ALDH1A1: variants seen among roughly 807,000 people sequenced by gnomAD.
ALDH1A1 encodes the protein aldehyde dehydrogenase 1A1.
ALDH1A1 carries 19 observed loss-of-function variants against 62.1 expected under a neutral mutation model. That is an observed-to-expected ratio of 0.31 (90% confidence interval 0.21 to 0.45). The LOEUF (loss-of-function observed/expected upper bound fraction) is 0.45. Ranked by LOEUF, ALDH1A1 falls within the 20% of genes least tolerant of loss-of-function variation. The pLI is 1.00. For synonymous variants in ALDH1A1, 231 were observed against 215.9 expected (o/e 1.07, Z -0.61); for missense variants, 521 against 607.1 (o/e 0.86, Z 1.49).
intron 7 of ALDH1A1, among the ~76,000 whole-genome samples, chr9:72,920,519 C>T (rs1272155533): frequency 1.3e-5 from 2 of 152,176 alleles, no homozygotes; most frequent in East Asian, 3.9e-4. Context: ...GAAGTAACTC[C>T]ATTAAAGTAG....
rs570783170 is a variant in ALDH1A1, at chr9:72,924,425, A to C, written c.634-293T>G. ...AATTTCATAATGCTAACTCAAAAAG[A>C]TTGTATGTAAAAAAGTGTTTGGTAA... On this transcript the variant is annotated intron_variant, in intron 6 of 12. Transcript: ENST00000297785. Among the ~76,000 whole-genome samples, 3 of 152,308 alleles carry C rather than the reference A, an allele frequency of 2.0e-5. No homozygotes were observed. The South Asian group carries it at 6.2e-4, about 32-fold the overall frequency.
Position 72,924,063 on chromosome 9 carries a change from A to G in ALDH1A1, c.703T>C (p.Ser235Pro). ...YGPTAGAAIS[S>P]HMDIDKVAFT... The stretch of plus-strand genomic sequence containing the variant: ...GCTACTTTGTCTATATCCATGTGAG[A>G]AGAAATGGCTGCCCCTGCTGTAGGC... The change falls in exon 7 of 13, where the codon TCT (serine) becomes CCT (proline). Residue 235 changes from serine (S) to proline (P), a missense_variant. Ser to Pro is a moderately conservative substitution (Grantham distance 74). Transcript: ENST00000297785. 1 of 1,613,346 alleles carries G rather than the reference A, an allele frequency of 6.2e-7. No individual in the cohort carries two copies. The highest frequency in any genetic ancestry group is 8.5e-7 in the Non-Finnish European group (1 of 1,179,578).
intron 8 of ALDH1A1, among the ~76,000 whole-genome samples, chr9:72,917,641 G>T (rs973951317): frequency 1.3e-4 from 20 of 152,040 alleles, no homozygotes; most frequent in Non-Finnish European, 2.6e-4. Context: ...CTCACCTTAT[G>T]ATTTTATTCC....
At chr9:72,906,900 G>A (rs78977757) in intron 11 of ALDH1A1, among the ~76,000 whole-genome samples, 1 of 152,168 alleles carries the variant, frequency 6.6e-6, no homozygotes, top group Non-Finnish European at 1.5e-5. Flanking sequence ...AGTAGCTGGA[G>A]ACTGAGGCAG....
chr9:72,905,640 G>T (rs983216902), intron 12 of ALDH1A1, among the ~76,000 whole-genome samples: 1 of 151,946 alleles, frequency 6.6e-6, no homozygotes, highest in African/African-American at 2.4e-5. Context: ...CTCTTTTCTG[G>T]AAATGTTTCC....
At chr9:72,937,746 A>C (rs1194294745) in intron 2 of ALDH1A1, among the ~76,000 whole-genome samples, 2 of 152,124 alleles carry the variant, frequency 1.3e-5, no homozygotes, top group African/African-American at 4.8e-5. Context: ...GGCCATAAAC[A>C]AAGGTTGAGT....
At chr9:72,901,734 T>G (rs573169632) in intron 12 of ALDH1A1, among the ~76,000 whole-genome samples, 1 of 152,152 alleles carries the variant, frequency 6.6e-6, no homozygotes, top group East Asian at 1.9e-4. Context: ...TAATATATGA[T>G]CACTACAAGG....
intron 7 of ALDH1A1, among the ~76,000 whole-genome samples, chr9:72,921,593 A>G (rs1451509609): frequency 1.4e-5 from 2 of 140,152 alleles, no homozygotes; most frequent in African/African-American, 5.4e-5. Context: ...TTACATATGT[A>G]TACATGTGCC....
intron 3 of ALDH1A1, among the ~76,000 whole-genome samples, chr9:72,929,784 A>C (rs1041936319): frequency 6.6e-6 from 1 of 152,168 alleles, no homozygotes; most frequent in African/African-American, 2.4e-5. Context: ...TACACTCTCT[A>C]TCATGTCAAA....
intron 1 of ALDH1A1, 125 bp from the exon 2 acceptor site, chr9:72,940,377 A>C: frequency 1.5e-6 from 1 of 685,364 alleles, no homozygotes. Flanking sequence ...CACCTCTCAA[A>C]ACTTTCTGGC....
chr9:72,944,131 A>T (rs1414044944), intron 1 of ALDH1A1, among the ~76,000 whole-genome samples: 1 of 152,048 alleles, frequency 6.6e-6, no homozygotes, highest in Non-Finnish European at 1.5e-5. Context: ...TCTATTCTGG[A>T]TATAAAAAGG....
chr9:72,917,688 G>A (rs1424488), intron 8 of ALDH1A1, among the ~76,000 whole-genome samples: 7,317 of 152,002 alleles, frequency 0.048, 592 homozygotes, highest in African/African-American at 0.16. Flanking sequence ...AAAGTATACC[G>A]TATTATTTCA....
At chr9:72,946,691 T>G (rs1400659806) in intron 1 of ALDH1A1, among the ~76,000 whole-genome samples, 1 of 151,962 alleles carries the variant, frequency 6.6e-6, no homozygotes, top group Non-Finnish European at 1.5e-5. Flanking sequence ...AAACATATAA[T>G]ATATCCCCTG....
At chr9:72,908,945 A>G (rs562065936) in intron 11 of ALDH1A1, among the ~76,000 whole-genome samples, 1 of 152,304 alleles carries the variant, frequency 6.6e-6, no homozygotes, top group East Asian at 1.9e-4. Flanking sequence ...GAAGGCCGAT[A>G]TAAGAATATC....
intron 11 of ALDH1A1, among the ~76,000 whole-genome samples, chr9:72,908,560 A>AAAGAAAAGAAAG (rs1829922567): frequency 1.2e-4 from 1 of 8,208 alleles, no homozygotes; most frequent in Non-Finnish European, 3.2e-4. Flanking sequence ...AAGAAGAAAG[A>AAAGAAAAGAAAG]AAGAAAGAAA....
intron 8 of ALDH1A1, among the ~76,000 whole-genome samples, chr9:72,918,262 G>A (rs1830088298): frequency 6.6e-6 from 1 of 152,080 alleles, no homozygotes; most frequent in Non-Finnish European, 1.5e-5. Flanking sequence ...TTAAATATTA[G>A]GTATAATTTT....
intron 1 of ALDH1A1, among the ~76,000 whole-genome samples, chr9:72,948,335 A>T (rs555029911): frequency 6.6e-6 from 1 of 151,960 alleles, no homozygotes; most frequent in Non-Finnish European, 1.5e-5. Flanking sequence ...TGCGTTGAAC[A>T]TAAGTCCTTT....
At chr9:72,950,271 C>T (rs898329265) in intron 1 of ALDH1A1, among the ~76,000 whole-genome samples, 12 of 151,742 alleles carry the variant, frequency 7.9e-5, no homozygotes, top group African/African-American at 2.7e-4. Context: ...AAAACCGAGG[C>T]AGAGAGAAGT....
chr9:72,934,435 C>T (rs148130526), intron 2 of ALDH1A1, among the ~76,000 whole-genome samples: 313 of 152,186 alleles, frequency 2.1e-3, no homozygotes, highest in African/African-American at 7.2e-3. Context: ...ACACCTGTTC[C>T]CTTTCATCTA....
Sources: allele counts gnomAD v4.1 joint callset (sites outside exome capture counted in the v4.1 genomes callset), GRCh38; gene constraint gnomAD v4.1.1; transcripts MANE v1.5; gene names NCBI Gene and HGNC (gene_info 2026-07-23, HGNC 2026-07-21).